ADAMTSL1: variants seen among roughly 807,000 people sequenced by gnomAD.
The protein encoded by ADAMTSL1 is ADAMTS like 1, also known as ADAMTS-like protein 1.
Under a neutral mutation model 201.8 loss-of-function variants are expected in ADAMTSL1, and 126 were observed. The ratio of observed to expected loss-of-function variants is 0.62; its 90% CI spans 0.54 to 0.72. The LOEUF (loss-of-function observed/expected upper bound fraction) is 0.72, where lower values mean the gene tolerates loss of function less well. ADAMTSL1 is among the 30% of genes least tolerant of loss of function. The probability of loss-of-function intolerance (pLI) is 0.00; values close to 1 mark genes in which losing one functional copy is unlikely to be tolerated. For synonymous variants in ADAMTSL1, 1,121 were observed against 903.4 expected (o/e 1.24, Z -4.32); for missense variants, 2,679 against 2,277.8 (o/e 1.18, Z -3.59).
At chr9:18,282,126 T>C (rs1832814385) in intron 2 of ADAMTSL1, among the ~76,000 whole-genome samples, 1 of 152,194 alleles carries the variant, frequency 6.6e-6, no homozygotes, top group Non-Finnish European at 1.5e-5. Flanking sequence ...GATTTCCCAG[T>C]GTCTCTTATT....
chr9:18,732,167 C>T (rs533920493), intron 15 of ADAMTSL1, among the ~76,000 whole-genome samples: 11 of 152,322 alleles, frequency 7.2e-5, no homozygotes, highest in Admixed American at 7.2e-4. Flanking sequence ...CTTTTCTATG[C>T]AGGAAACCAT....
chr9:18,201,960 A>G (rs1048581216), intron 2 of ADAMTSL1, among the ~76,000 whole-genome samples: 1 of 152,170 alleles, frequency 6.6e-6, no homozygotes. Flanking sequence ...TTTCTCAAAT[A>G]TCATGCATTA....
intron 2 of ADAMTSL1, among the ~76,000 whole-genome samples, chr9:18,412,722 A>G (rs1345563621): frequency 6.6e-6 from 1 of 152,220 alleles, no homozygotes; most frequent in Non-Finnish European, 1.5e-5. Flanking sequence ...TTAGGCCACT[A>G]GAAGCCCCTT....
intron 26 of ADAMTSL1, among the ~76,000 whole-genome samples, chr9:18,896,866 G>A (rs1282294733): frequency 1.3e-5 from 2 of 152,058 alleles, no homozygotes; most frequent in African/African-American, 4.8e-5. Flanking sequence ...GGGAATCCCA[G>A]CAGACAAGCA....
At chr9:18,246,260 T>A (rs1831256174) in intron 2 of ADAMTSL1, among the ~76,000 whole-genome samples, 1 of 152,206 alleles carries the variant, frequency 6.6e-6, no homozygotes, top group African/African-American at 2.4e-5. Context: ...AATTTCTGCA[T>A]GTAATCCAAC....
intron 1 of ADAMTSL1, among the ~76,000 whole-genome samples, chr9:17,950,497 G>A (rs945856240): frequency 9.3e-5 from 14 of 151,252 alleles, no homozygotes; most frequent in Admixed American, 8.6e-4. Flanking sequence ...TCAAATATGT[G>A]TATGATTGTA....
At chr9:18,093,957 G>A (rs931915286) in intron 1 of ADAMTSL1, among the ~76,000 whole-genome samples, 1 of 152,142 alleles carries the variant, frequency 6.6e-6, no homozygotes, top group African/African-American at 2.4e-5. Context: ...TATAAGTCAA[G>A]CTTGGTAGTT....
At chr9:18,872,104 C>T (rs1827901972) in intron 23 of ADAMTSL1, among the ~76,000 whole-genome samples, 1 of 152,154 alleles carries the variant, frequency 6.6e-6, no homozygotes, top group Admixed American at 6.6e-5. Flanking sequence ...CCAGAATACC[C>T]TCCCCTTCCT....
At chr9:17,921,095 T>C (rs2131292686) in intron 1 of ADAMTSL1, among the ~76,000 whole-genome samples, 1 of 152,330 alleles carries the variant, frequency 6.6e-6, no homozygotes, top group Non-Finnish European at 1.5e-5. Context: ...TTTGTAAAAC[T>C]CCTATTAGTT....
intron 2 of ADAMTSL1, among the ~76,000 whole-genome samples, chr9:18,282,765 C>T (rs918801384): frequency 2.0e-5 from 3 of 152,156 alleles, no homozygotes; most frequent in Non-Finnish European, 4.4e-5. Flanking sequence ...GCTGTGGTAG[C>T]GCAGGCCTGT....
chr9:18,222,447 A>C (rs1168820891), intron 2 of ADAMTSL1, among the ~76,000 whole-genome samples: 2 of 151,856 alleles, frequency 1.3e-5, no homozygotes, highest in Non-Finnish European at 2.9e-5. Context: ...AATTAACATC[A>C]TCTAAGGTTA....
intron 1 of ADAMTSL1, among the ~76,000 whole-genome samples, chr9:18,073,486 C>T (rs1372355298): frequency 6.6e-6 from 1 of 152,166 alleles, no homozygotes. Context: ...GAGGAAATTA[C>T]ATGCCACAGT....
chr9:18,643,596 A>T (rs1382537455), intron 7 of ADAMTSL1, among the ~76,000 whole-genome samples: 1 of 152,052 alleles, frequency 6.6e-6, no homozygotes, highest in Non-Finnish European at 1.5e-5. Context: ...GTATAGTGTG[A>T]GATACGGGTC....
chr9:18,790,103 A>G (rs1821936790), intron 19 of ADAMTSL1, among the ~76,000 whole-genome samples: 1 of 152,238 alleles, frequency 6.6e-6, no homozygotes, highest in South Asian at 2.1e-4. Flanking sequence ...TCAAAAAAAA[A>G]TCATTTATTA....
chr9:18,324,764 CA>C (rs780617189), intron 2 of ADAMTSL1, among the ~76,000 whole-genome samples: 715 of 120,378 alleles, frequency 5.9e-3, no homozygotes, highest in African/African-American at 0.01. Flanking sequence ...AACTCCATCT[CA>C]AAAAAAAAAA....
intron 1 of ADAMTSL1, among the ~76,000 whole-genome samples, chr9:18,150,943 A>G (rs980865842): frequency 1.3e-5 from 2 of 151,920 alleles, no homozygotes; most frequent in African/African-American, 4.8e-5. Context: ...TGACATATGC[A>G]TAGAAGGAAA....
intron 11 of ADAMTSL1, chr9:18,680,770 C>T: frequency 2.1e-6 from 1 of 482,976 alleles, no homozygotes; most frequent in South Asian, 2.4e-5. Flanking sequence ...CCTCAAATAG[C>T]ACGGGGAAGC....
At chr9:18,649,016 C>T (rs1249701004) in intron 7 of ADAMTSL1, among the ~76,000 whole-genome samples, 1 of 152,188 alleles carries the variant, frequency 6.6e-6, no homozygotes, top group African/African-American at 2.4e-5. Context: ...CCATCACTTT[C>T]AGGTACACCA....
intron 15 of ADAMTSL1, among the ~76,000 whole-genome samples, chr9:18,740,708 C>G (rs947303105): frequency 7.9e-5 from 12 of 152,006 alleles, no homozygotes; most frequent in African/African-American, 2.9e-4. Context: ...AACTCCTGAC[C>G]TCAGATGATC....
Sources: gnomAD v4.1 joint callset for allele counts (sites outside exome capture counted in the v4.1 genomes callset) on GRCh38, gnomAD v4.1.1 for gene constraint, MANE v1.5 for transcripts, NCBI Gene and HGNC (gene_info 2026-07-23, HGNC 2026-07-21) for gene names.